The following SV2C variants were observed in gnomAD, a reference collection of about 807,000 sequenced individuals.
SV2C encodes the protein synaptic vesicle glycoprotein 2C.
SV2C carries 49 observed loss-of-function variants against 79.7 expected under a neutral mutation model. The observed-to-expected ratio is 0.61, with a 90% CI of 0.49 to 0.78. The LOEUF (loss-of-function observed/expected upper bound fraction) is 0.78, where lower values mean the gene tolerates loss of function less well. Among genes scored for constraint, SV2C ranks in the 30% least tolerant of loss-of-function variants. The pLI is 0.00. For missense variants in SV2C, 833 were observed against 912.9 expected, an observed-to-expected ratio of 0.91 and a Z score of 1.13; for synonymous variants, 334 against 333.2, an observed-to-expected ratio of 1.00 and a Z score of -0.03.
At chr5:75,940,779 G>C in the SV2C span, among the ~76,000 whole-genome samples, 1 of 152,156 alleles carries the variant, frequency 6.6e-6, no homozygotes, top group Non-Finnish European at 1.5e-5. Flanking sequence ...TGGTTGGAGG[G>C]ACTTAAAGTG....
chr5:76,316,803 C>G (rs964113139), intron 12 of SV2C, among the ~76,000 whole-genome samples: 57 of 152,126 alleles, frequency 3.7e-4, no homozygotes, highest in Non-Finnish European at 5.0e-4. Flanking sequence ...GTCCAGCCCC[C>G]CTGAGAAGCT....
At chr5:75,926,712 G>A in the SV2C span, among the ~76,000 whole-genome samples, 1 of 152,180 alleles carries the variant, frequency 6.6e-6, no homozygotes, top group South Asian at 2.1e-4. Context: ...CTGTGCATAT[G>A]ATCTGTATTC....
rs180890933 is a variant in SV2C, at chr5:76,185,556, G to A, written c.581-9363G>A. Among the ~76,000 whole-genome samples, 4 of 152,314 alleles carry A rather than the reference G, an allele frequency of 2.6e-5. No individual in the cohort carries two copies. In the East Asian group the frequency reaches 7.7e-4, roughly 30 times the overall value. On this transcript the variant is annotated intron_variant, in intron 2 of 12. Transcript: ENST00000502798. The stretch of plus-strand genomic sequence containing the variant: ...ATTCTTGACTTCTGTGCATCCCCAG[G>A]CCCAACACCATGTGTAAGCCACCAA...
chr5:76,226,166 A>G (rs1745230737), intron 4 of SV2C, among the ~76,000 whole-genome samples: 1 of 152,156 alleles, frequency 6.6e-6, no homozygotes, highest in Non-Finnish European at 1.5e-5. Flanking sequence ...TGGAGGGTAT[A>G]CATTAGCCTG....
chr5:75,911,292 C>G, the SV2C span: 6 of 1,430,034 alleles, frequency 4.2e-6, no homozygotes, highest in South Asian at 2.3e-5. Flanking sequence ...CAGGCAGAAC[C>G]CTGAGCCCTT....
chr5:75,969,577 G>A, the SV2C span, among the ~76,000 whole-genome samples: 1 of 152,070 alleles, frequency 6.6e-6, no homozygotes, highest in Non-Finnish European at 1.5e-5. Context: ...AGACAAAGAA[G>A]GCCATTACAT....
chr5:76,346,721 C>T (rs1476373620), intron 12 of SV2C, among the ~76,000 whole-genome samples: 4 of 152,190 alleles, frequency 2.6e-5, no homozygotes, highest in African/African-American at 9.7e-5. Flanking sequence ...AGACACAAAA[C>T]TCATGTTTGT....
chr5:76,173,587 A>G, intron 2 of SV2C: 2 of 1,575,984 alleles, frequency 1.3e-6, no homozygotes, highest in Non-Finnish European at 1.7e-6. Flanking sequence ...ATTGGGCAAC[A>G]GTTCTTCAGA....
At chr5:76,273,442 CTT>C (rs1746934364) in intron 4 of SV2C, among the ~76,000 whole-genome samples, 1 of 151,906 alleles carries the variant, frequency 6.6e-6, no homozygotes, top group South Asian at 2.1e-4. Context: ...CTCATTCACT[CTT>C]TGCATATTTG....
intron 2 of SV2C, among the ~76,000 whole-genome samples, chr5:76,177,573 A>G (rs1378221912): frequency 3.9e-5 from 6 of 152,228 alleles, no homozygotes; most frequent in Non-Finnish European, 8.8e-5. Context: ...TTTTCAGACC[A>G]TGGTTGGCTG....
the SV2C span, among the ~76,000 whole-genome samples, chr5:75,965,089 A>T: frequency 6.6e-6 from 1 of 152,156 alleles, no homozygotes; most frequent in Non-Finnish European, 1.5e-5. Context: ...TTATGTAAAG[A>T]TCATGAACTT....
chr5:75,911,366 C>G, the SV2C span: 1 of 1,235,674 alleles, frequency 8.1e-7, no homozygotes, highest in South Asian at 1.3e-5. Flanking sequence ...AATGAAGGAT[C>G]TGAACAACCA....
chr5:76,156,455 T>C (rs1742731826), intron 2 of SV2C, among the ~76,000 whole-genome samples: 1 of 152,132 alleles, frequency 6.6e-6, no homozygotes, highest in Non-Finnish European at 1.5e-5. Context: ...CAATATGTTA[T>C]GTAGAATGTC....
chr5:76,304,345 T>A (rs1340512201), intron 12 of SV2C, among the ~76,000 whole-genome samples: 1 of 152,212 alleles, frequency 6.6e-6, no homozygotes, highest in Non-Finnish European at 1.5e-5. Flanking sequence ...TAAAACCTCT[T>A]CCACCATTTC....
the SV2C span, among the ~76,000 whole-genome samples, chr5:75,903,807 G>A: frequency 6.6e-6 from 1 of 152,084 alleles, no homozygotes; most frequent in African/African-American, 2.4e-5. Context: ...CTTCTTGTGT[G>A]GAAGTTTCTA....
chr5:75,931,612 A>G, the SV2C span, among the ~76,000 whole-genome samples: 3 of 152,194 alleles, frequency 2.0e-5, no homozygotes, highest in South Asian at 6.2e-4. Context: ...GCTTATGTCA[A>G]ATGGAAAGCT....
chr5:76,316,036 G>A (rs184888023), intron 12 of SV2C, among the ~76,000 whole-genome samples: 1 of 152,098 alleles, frequency 6.6e-6, no homozygotes, highest in African/African-American at 2.4e-5. Flanking sequence ...TTAGCCAATG[G>A]CATGGTTACA....
At chr5:75,960,077 T>G in the SV2C span, among the ~76,000 whole-genome samples, 106 of 152,140 alleles carry the variant, frequency 7.0e-4, no homozygotes, top group African/African-American at 2.2e-3. Context: ...GCATTCCTTT[T>G]CATAATTCTA....
chr5:76,209,545 G>A (rs1412307973), intron 3 of SV2C, among the ~76,000 whole-genome samples, 191 bp from the exon 4 acceptor site: 1 of 151,984 alleles, frequency 6.6e-6, no homozygotes, highest in Admixed American at 6.6e-5. Context: ...ACTTTTTGGA[G>A]GCATAATAAA....
Sources: allele counts gnomAD v4.1 joint callset (sites outside exome capture counted in the v4.1 genomes callset), GRCh38; gene constraint gnomAD v4.1.1; transcripts MANE v1.5; gene names NCBI Gene and HGNC (gene_info 2026-07-23, HGNC 2026-07-21).